AGBL3: variants seen among roughly 807,000 people sequenced by gnomAD.
The protein encoded by AGBL3 is cytosolic carboxypeptidase 3.
AGBL3 carries 68 observed loss-of-function variants against 94.5 expected under a neutral mutation model. The ratio of observed to expected loss-of-function variants is 0.72; its 90% CI spans 0.59 to 0.88. The LOEUF is 0.88. AGBL3 is among the 40% of genes least tolerant of loss of function. The pLI is 0.00. For synonymous variants in AGBL3, 354 were observed against 370.7 expected, an observed-to-expected ratio of 0.95 and a Z score of 0.52; for missense variants, 934 against 1,103.8, an observed-to-expected ratio of 0.85 and a Z score of 2.18.
rs1585282261 is a variant in AGBL3 at position 135,128,618 on chromosome 7, T to C, written c.2343-6223T>C. On this transcript the variant is annotated intron_variant, in intron 16 of 16. Coordinates refer to ENST00000436302, the MANE Select transcript of AGBL3 (RefSeq NM_178563.4). ...TATCTGCTCTATGGGAAGAACACCC[T>C]GGCAGCGTGATCCCGTTTGCCTGGA... 4 of 791,476 alleles carry C rather than the reference T, an allele frequency of 5.1e-6. No homozygotes were observed. The East Asian group carries it at 9.7e-5, about 19-fold the overall frequency. The allele number at this position is 791,476 out of a possible 1,614,324, so 49.0% of individuals were successfully genotyped here. A position where few individuals can be genotyped will look rare whatever the true frequency, so the allele number is the denominator to read the frequency against.
chr7:135,052,916 G>GT (rs1359355156), intron 11 of AGBL3, among the ~76,000 whole-genome samples: 1 of 152,076 alleles, frequency 6.6e-6, no homozygotes, highest in Non-Finnish European at 1.5e-5. Flanking sequence ...TCTGGAGTCT[G>GT]TTTTTTGAGG....
At chr7:135,129,272 C>T in intron 16 of AGBL3, 5 of 1,519,292 alleles carry the variant, frequency 3.3e-6, no homozygotes, top group Non-Finnish European at 4.6e-6. Context: ...GCAATTTTGC[C>T]TTCTGTACCT....
In AGBL3 at chr7:135,094,113, A is replaced by G. The variant is rs1055578177; in HGVS notation, c.2110+12323A>G. On this transcript the variant is annotated intron_variant, in intron 15 of 16. Transcript: ENST00000436302. Reference sequence around the variant, plus strand: ...AAAAATAATAAAAAATGGATCACAGAAACAAATGTAGGAGTTAAAACTACT... The same window carrying G: ...AAAAATAATAAAAAATGGATCACAGGAACAAATGTAGGAGTTAAAACTACT... 1.1e-5 allele frequency: 3 copies of G among 284,276 alleles called. No homozygotes were observed. The East Asian group carries it at 3.0e-4, about 29-fold the overall frequency. The allele number at this position is 284,276 out of a possible 1,614,324, so 17.6% of individuals were successfully genotyped here.
At position 135,027,012 on chromosome 7, in the gene AGBL3, T is replaced by C. The variant is rs1427049329; in HGVS notation, c.419-5832T>C. On this transcript the variant is annotated intron_variant, in intron 5 of 16. Transcript: ENST00000436302. ...CGTTTAGTTTGATTGGTTTAGAAATTACAATATACAATTTCTTAAAGTCTA... is the reference window on the plus strand; with the variant it reads ...CGTTTAGTTTGATTGGTTTAGAAATCACAATATACAATTTCTTAAAGTCTA... 3.3e-5 allele frequency among the ~76,000 whole-genome samples: 5 copies of C among 151,668 alleles called. 1 individual carries two copies. Among genetic ancestry groups the C allele is most frequent in the Non-Finnish European group, 7.4e-5 (5 of 68,016 alleles).
intron 4 of AGBL3, among the ~76,000 whole-genome samples, chr7:134,999,207 C>T (rs149453634): frequency 9.2e-5 from 14 of 152,288 alleles, no homozygotes; most frequent in African/African-American, 3.4e-4. Context: ...AGTCCTTTTA[C>T]AGTATTCTAA....
intron 11 of AGBL3, among the ~76,000 whole-genome samples, chr7:135,046,769 A>G (rs1327015143): frequency 6.6e-6 from 1 of 152,106 alleles, no homozygotes; most frequent in East Asian, 1.9e-4. Flanking sequence ...TTATAAATAA[A>G]GCTGCTACAT....
At chr7:135,031,091 CAA>C (rs1040226765) in intron 5 of AGBL3, among the ~76,000 whole-genome samples, 2 of 151,404 alleles carry the variant, frequency 1.3e-5, no homozygotes, top group African/African-American at 4.9e-5. Flanking sequence ...AATATATATT[CAA>C]AGTCCTTCTC....
intron 15 of AGBL3, among the ~76,000 whole-genome samples, chr7:135,096,584 C>CATAGATAGATAGATAG (rs71172496): frequency 0.077 from 6,743 of 87,764 alleles, 324 homozygotes; most frequent in East Asian, 0.15. Context: ...TAGATAGATA[C>CATAGATAGATAGATAG]ATAGATAGAT....
At chr7:135,089,424 T>A (rs1322594233) in intron 15 of AGBL3, among the ~76,000 whole-genome samples, 2 of 152,192 alleles carry the variant, frequency 1.3e-5, no homozygotes, top group Non-Finnish European at 2.9e-5. Flanking sequence ...TTCCTTGCTT[T>A]TTAGTGTTGC....
chr7:135,040,669 C>T (rs4732084), intron 8 of AGBL3, among the ~76,000 whole-genome samples: 74,004 of 151,756 alleles, frequency 0.49, 18,393 homozygotes, highest in South Asian at 0.66. Context: ...CAGCTAACAA[C>T]ATAGTTGATG....
intron 9 of AGBL3, 109 bp from the exon 10 acceptor site, chr7:135,045,365 A>G (rs369568306): frequency 1.2e-6 from 1 of 853,660 alleles, no homozygotes; most frequent in Non-Finnish European, 1.9e-6. Flanking sequence ...AATCTAAAGG[A>G]TAGGATATGG....
chr7:135,061,753 T>C (rs1374568838), intron 12 of AGBL3, among the ~76,000 whole-genome samples: 1 of 152,130 alleles, frequency 6.6e-6, no homozygotes, highest in Non-Finnish European at 1.5e-5. Flanking sequence ...TGTCTGTTTT[T>C]AAGCCAGTAC....
Position 135,034,424 on chromosome 7 carries a change from T to G in AGBL3, c.833T>G (p.Phe278Cys). The G allele has an allele frequency of 6.4e-7, 1 of 1,551,720 alleles. No homozygotes were observed. Among genetic ancestry groups the G allele is most frequent in the Non-Finnish European group, 8.7e-7 (1 of 1,146,994 alleles). The change falls in exon 7 of 17, where the codon TTC (phenylalanine) becomes TGC (cysteine). Residue 278 changes from phenylalanine (F) to cysteine (C), a missense_variant. Coordinates refer to ENST00000436302, the MANE Select transcript of AGBL3 (RefSeq NM_178563.4). ...CCAGGCCAAGATGGGCGCCATTATT[T>G]CTCTCTTACATGGACATTTCAATTT... ...NNPGQDGRHYFSLTWTFQFPH... is the reference protein window; with the variant it reads ...NNPGQDGRHYCSLTWTFQFPH...
At chr7:135,093,328 C>T (rs1298946686) in intron 15 of AGBL3, 1 of 151,902 alleles carries the variant, frequency 6.6e-6, no homozygotes, top group Non-Finnish European at 1.5e-5. Context: ...ACTATTAGCA[C>T]TAATAAATGA....
At chr7:135,074,501 A>G (rs1820267664) in intron 12 of AGBL3, among the ~76,000 whole-genome samples, 1 of 152,218 alleles carries the variant, frequency 6.6e-6, no homozygotes, top group African/African-American at 2.4e-5. Context: ...AAAAAATTTT[A>G]AACAATCACA....
chr7:135,095,518 G>A (rs557618043), intron 15 of AGBL3, among the ~76,000 whole-genome samples: 1 of 152,230 alleles, frequency 6.6e-6, no homozygotes, highest in Admixed American at 6.5e-5. Flanking sequence ...AAACCCCATA[G>A]TAAAGGCCTA....
intron 12 of AGBL3, among the ~76,000 whole-genome samples, chr7:135,064,394 T>C (rs1310311869): frequency 6.6e-6 from 1 of 152,176 alleles, no homozygotes; most frequent in Non-Finnish European, 1.5e-5. Context: ...TGCTCTGAGT[T>C]TGGAGATCTT....
intron 8 of AGBL3, among the ~76,000 whole-genome samples, chr7:135,043,240 A>T (rs1418390733): frequency 6.6e-6 from 1 of 152,234 alleles, no homozygotes; most frequent in African/African-American, 2.4e-5. Context: ...AATGTGGTAC[A>T]TATACAGAAT....
In AGBL3 at chr7:135,115,384, G is replaced by C. The variant is rs996852264; in HGVS notation, c.2115G>C (p.Leu705=). ...ATTTTTGTGGTTGCTCCCCAGATCT[G>C]CACCACAACTTAAAAAGCAAAATAA... is the stretch of plus-strand genomic sequence containing the variant. ...RRQLPNQGLD[L]HHNLKSKIKE... The change falls in exon 16 of 17, where the codon CTG becomes CTC. Residue 705 remains leucine, a synonymous_variant. Transcript: ENST00000436302. 3.9e-6 allele frequency: 6 copies of C among 1,548,084 alleles called. No homozygotes were observed. Among genetic ancestry groups the C allele is most frequent in the Non-Finnish European group, 5.2e-6 (6 of 1,144,776 alleles).
Sources: gnomAD v4.1 joint callset for allele counts (sites outside exome capture counted in the v4.1 genomes callset) on GRCh38, gnomAD v4.1.1 for gene constraint, MANE v1.5 for transcripts, NCBI Gene and HGNC (gene_info 2026-07-23, HGNC 2026-07-21) for gene names.